The following PTPRS variants were observed in gnomAD, a reference collection of about 807,000 sequenced individuals.
The protein encoded by PTPRS is receptor-type tyrosine-protein phosphatase S.
In PTPRS, 63 loss-of-function variants were observed where a neutral mutation model predicts 215.3. The ratio of observed to expected loss-of-function variants is 0.29; its 90% CI spans 0.24 to 0.36. The LOEUF is 0.36. Among genes scored for constraint, PTPRS ranks in the 10% least tolerant of loss-of-function variants. The pLI, the probability that PTPRS is intolerant of heterozygous loss-of-function variation, is 1.00. For synonymous variants in PTPRS, 1,404 were observed against 1,191.4 expected, an observed-to-expected ratio of 1.18 and a Z score of -3.68; for missense variants, 2,258 against 2,825.8, an observed-to-expected ratio of 0.80 and a Z score of 4.56.
intron 7 of PTPRS, among the ~76,000 whole-genome samples, chr19:5,259,292 G>A (rs1465471638): frequency 6.6e-6 from 1 of 152,128 alleles, no homozygotes; most frequent in Non-Finnish European, 1.5e-5. Flanking sequence ...CCAAATCAAA[G>A]ACTTCACTTT....
At chr19:5,278,213 G>A in intron 2 of PTPRS, 1 of 379,780 alleles carries the variant, frequency 2.6e-6, no homozygotes, top group Non-Finnish European at 5.0e-6. Flanking sequence ...AGTGGGGGGT[G>A]GGGGAAAGGA....
rs1157742470 is a variant in PTPRS at position 5,338,435 on chromosome 19, C to T, written c.-95+2229G>A. Among the ~76,000 whole-genome samples, 5 of 152,062 alleles carry T rather than the reference C, an allele frequency of 3.3e-5. No homozygotes were observed. Among genetic ancestry groups the T allele is most frequent in the African/African-American group, 1.2e-4 (5 of 41,414 alleles). Reference sequence around the variant, plus strand: ...GGGAACAGGGCAGGACCCTGCTTCCCGGAGGGAAATAATGAAGACTCCGCC... The same window carrying T: ...GGGAACAGGGCAGGACCCTGCTTCCTGGAGGGAAATAATGAAGACTCCGCC... On this transcript the variant is annotated intron_variant, in intron 1 of 37. Transcript: ENST00000262963. This position sits in a 1 kb window ranked among gnomAD's most constrained non-coding sequence, Gnocchi z 4.2.
At position 5,244,607 on chromosome 19, in the gene PTPRS, C is replaced by T; in HGVS notation, c.989-125G>A. The T allele has an allele frequency of 1.4e-6, 1 of 717,638 alleles. No individual in the cohort carries two copies. The highest frequency in any genetic ancestry group is 2.3e-6 in the Non-Finnish European group (1 of 437,086). The allele number at this position is 717,638 out of a possible 1,614,324, so 44.5% of individuals were successfully genotyped here. ...GATTTGCCCAGCAGTAATCATGGGC[C>T]TCATGACTCCTGTCATCGTCTACAG... On this transcript the variant is annotated intron_variant, in intron 10 of 37. Coordinates refer to ENST00000262963, the MANE Select transcript of PTPRS (RefSeq NM_002850.4). The surrounding 1 kb of genome is among the most constrained non-coding windows in gnomAD (Gnocchi z 7.2).
At chr19:5,222,330 C>G (rs558418701) in intron 18 of PTPRS, 110 bp from the exon 19 acceptor site, 2 of 901,974 alleles carry the variant, frequency 2.2e-6, no homozygotes, top group South Asian at 2.9e-5. Flanking sequence ...CGCTCCCTGT[C>G]GTCCGCTGTG....
At chr19:5,286,437 A>C (rs567044126) in intron 1 of PTPRS, 21 of 421,814 alleles carry the variant, frequency 5.0e-5, no homozygotes, top group Admixed American at 3.5e-4. Context: ...CCCCACAAAA[A>C]ATCATATGTT....
At chr19:5,211,006 C>T (rs2040824443) in intron 33 of PTPRS, among the ~76,000 whole-genome samples, 1 of 152,356 alleles carries the variant, frequency 6.6e-6, no homozygotes, top group Non-Finnish European at 1.5e-5. Flanking sequence ...AGTCTCATGA[C>T]AAATTCAAAT....
Position 5,210,894 on chromosome 19 carries a change from C to G in PTPRS, c.5235-89G>C. The G allele has an allele frequency of 6.6e-7, 1 of 1,508,092 alleles. No homozygotes were observed. The allele number at this position is 1,508,092 out of a possible 1,614,324, so 93.4% of individuals were successfully genotyped here. On this transcript the variant is annotated intron_variant, in intron 33 of 37. Transcript: ENST00000262963. This position sits in a 1 kb window ranked among gnomAD's most constrained non-coding sequence, Gnocchi z 4.5. ...GCTGCCCGGGAGGGTCAGGACCAAGCCAGTGACAGCTACACCTACCACCCC... is the reference window on the plus strand; with the variant it reads ...GCTGCCCGGGAGGGTCAGGACCAAGGCAGTGACAGCTACACCTACCACCCC...
rs760354780 is a variant in PTPRS at position 5,222,870 on chromosome 19, G to T, written c.2922C>A (p.Ala974=). The T allele has an allele frequency of 6.4e-5, 101 of 1,584,140 alleles. 4 individuals carry two copies. In the South Asian group the frequency reaches 9.2e-4, roughly 14 times the overall value. The stretch of plus-strand genomic sequence containing the variant: ...GCTCAGTCTCTCGGGCAGGGCCCAG[G>T]GCACCGGCCTCCCGCACGGCCACCG... ...KYTVAVREAG[A]LGPARETELP... The change falls in exon 18 of 38, where the codon GCC becomes GCA. Residue 974 remains alanine, a synonymous_variant. Transcript: ENST00000262963.
intron 1 of PTPRS, among the ~76,000 whole-genome samples, chr19:5,308,912 CG>C (rs2049594100): frequency 6.6e-6 from 1 of 152,192 alleles, no homozygotes; most frequent in Non-Finnish European, 1.5e-5. Flanking sequence ...CGCTCCCTCC[CG>C]TTCCTCTCCC....
At chr19:5,218,126 T>G (rs2041650044) in intron 25 of PTPRS, among the ~76,000 whole-genome samples, 1 of 151,998 alleles carries the variant, frequency 6.6e-6, no homozygotes, top group Non-Finnish European at 1.5e-5. Context: ...AGGGGTTTAT[T>G]TGTGTTTTCT....
chr19:5,284,701 C>T (rs1292002186), intron 2 of PTPRS, among the ~76,000 whole-genome samples: 1 of 152,058 alleles, frequency 6.6e-6, no homozygotes, highest in African/African-American at 2.4e-5. Context: ...AATTCTAGCA[C>T]TTTGGGAGGC....
intron 1 of PTPRS, among the ~76,000 whole-genome samples, chr19:5,290,394 G>A (rs993044384): frequency 3.9e-5 from 6 of 152,236 alleles, no homozygotes; most frequent in Non-Finnish European, 7.3e-5. Context: ...GGTAGAGCCC[G>A]CTGGCCGCCT....
intron 16 of PTPRS, among the ~76,000 whole-genome samples, chr19:5,226,143 G>A (rs1419619499): frequency 7.9e-5 from 12 of 152,182 alleles, no homozygotes; most frequent in South Asian, 2.1e-4. Flanking sequence ...AGCAGCCAGA[G>A]GGCGCCTGTG....
chr19:5,262,006 C>T (rs2046032732), intron 6 of PTPRS, among the ~76,000 whole-genome samples: 1 of 152,152 alleles, frequency 6.6e-6, no homozygotes, highest in Non-Finnish European at 1.5e-5. Flanking sequence ...GGCGTGGTGG[C>T]TCACGCCTGT....
intron 13 of PTPRS, among the ~76,000 whole-genome samples, chr19:5,238,065 G>GAGGGGGAAGC (rs1157780514): frequency 6.6e-6 from 1 of 152,232 alleles, no homozygotes; most frequent in African/African-American, 2.4e-5. Context: ...AGGGAGGGAA[G>GAGGGGGAAGC]AGGGGGAAGC....
chr19:5,244,915 G>A lies in PTPRS; in HGVS notation c.989-433C>T, dbSNP rs569313995. Reference sequence around the variant, plus strand: ...GATCTCCTGACCTCGTGATCCGCCCGCCTCGGCCTCCCGAAGTGCTGGGAT... The same window carrying A: ...GATCTCCTGACCTCGTGATCCGCCCACCTCGGCCTCCCGAAGTGCTGGGAT... On this transcript the variant is annotated intron_variant, in intron 10 of 37. Coordinates refer to ENST00000262963, the MANE Select transcript of PTPRS (RefSeq NM_002850.4). This position sits in a 1 kb window ranked among gnomAD's most constrained non-coding sequence, Gnocchi z 7.2. Among the ~76,000 whole-genome samples, 2 of 152,032 alleles carry A rather than the reference G, an allele frequency of 1.3e-5. No individual in the cohort carries two copies. The highest frequency in any genetic ancestry group is 2.1e-4 in the South Asian group (1 of 4,812).
At chr19:5,318,415 G>A (rs1344452137) in intron 1 of PTPRS, among the ~76,000 whole-genome samples, 1 of 152,114 alleles carries the variant, frequency 6.6e-6, no homozygotes, top group Non-Finnish European at 1.5e-5. Context: ...GGACAGGACA[G>A]AACAGGCTGC....
intron 1 of PTPRS, among the ~76,000 whole-genome samples, chr19:5,311,248 G>C (rs7258119): frequency 2.0e-5 from 3 of 152,118 alleles, no homozygotes. Context: ...GACCTCAGGC[G>C]ATCTGCCCGT....
chr19:5,210,627 G>A lies in PTPRS; in HGVS notation c.5362-33C>T. The stretch of plus-strand genomic sequence containing the variant: ...GGAGATGGCGGCCGTGGTCAGCGCT[G>A]TCTGAGCCACAGTCTGGCCCTCGCC... On this transcript the variant is annotated intron_variant, in intron 34 of 37. Coordinates refer to ENST00000262963, the MANE Select transcript of PTPRS (RefSeq NM_002850.4). This position sits in a 1 kb window ranked among gnomAD's most constrained non-coding sequence, Gnocchi z 4.5. 6 of 1,614,082 alleles carry A rather than the reference G, an allele frequency of 3.7e-6. No individual in the cohort carries two copies. Among genetic ancestry groups the A allele is most frequent in the Non-Finnish European group, 5.1e-6 (6 of 1,180,012 alleles).
Sources: allele counts gnomAD v4.1 joint callset (sites outside exome capture counted in the v4.1 genomes callset), GRCh38; gene constraint gnomAD v4.1.1; non-coding constraint Gnocchi (gnomAD v3.1); transcripts MANE v1.5; gene names NCBI Gene and HGNC (gene_info 2026-07-23, HGNC 2026-07-21).